Variants in WWOX observed in about 807,000 individuals in gnomAD.
WWOX encodes WW domain containing oxidoreductase, also known as WW domain-containing oxidoreductase.
Under a neutral mutation model 46.2 loss-of-function variants are expected in WWOX, and 69 were observed. The observed-to-expected ratio is 1.49, with a 90% confidence interval of 1.23 to 1.82. WWOX has a LOEUF of 1.82. WWOX is among the 40% of genes most tolerant of loss of function. WWOX has a pLI of 0.00. For missense variants in WWOX, 919 were observed against 542.6 expected (o/e 1.69, Z -6.89); for synonymous variants, 359 against 202.6 (o/e 1.77, Z -6.56).
At chr16:79,077,129 C>T (rs1008525854) in intron 8 of WWOX, among the ~76,000 whole-genome samples, 3 of 152,184 alleles carry the variant, frequency 2.0e-5, no homozygotes, top group Non-Finnish European at 4.4e-5. Flanking sequence ...CTCTCCAACC[C>T]CTAAGCCCGT....
chr16:78,427,940 C>T (rs144939674), intron 7 of WWOX, among the ~76,000 whole-genome samples: 53 of 152,002 alleles, frequency 3.5e-4, no homozygotes, highest in Middle Eastern at 3.4e-3. Context: ...TGGTGGTGCA[C>T]GCCTGTAATC....
chr16:79,111,967 T>C (rs1414984775), intron 8 of WWOX, among the ~76,000 whole-genome samples: 10 of 152,118 alleles, frequency 6.6e-5, no homozygotes, highest in African/African-American at 2.4e-4. Context: ...AGTTGTCTCA[T>C]AGGACCCTGT....
chr16:79,183,053 A>G (rs1166947369), intron 8 of WWOX, among the ~76,000 whole-genome samples: 1 of 152,138 alleles, frequency 6.6e-6, no homozygotes, highest in South Asian at 2.1e-4. Context: ...GCCGTCTTCC[A>G]TGTTGGGGTG....
chr16:79,055,972 T>C (rs1121404), intron 8 of WWOX, among the ~76,000 whole-genome samples: 81,609 of 152,050 alleles, frequency 0.54, 22,244 homozygotes, highest in Admixed American at 0.58. Context: ...TCAGTAATTC[T>C]TTCATTCTCT....
chr16:78,945,292 C>T (rs753378284), intron 8 of WWOX, among the ~76,000 whole-genome samples: 6 of 152,274 alleles, frequency 3.9e-5, no homozygotes, highest in South Asian at 2.1e-4. Context: ...ATATCAAGCA[C>T]GATTTGAGTT....
intron 4 of WWOX, among the ~76,000 whole-genome samples, chr16:78,145,522 C>A (rs938096726): frequency 1.3e-5 from 2 of 152,168 alleles, no homozygotes; most frequent in Non-Finnish European, 2.9e-5. Context: ...TCTTCTCCTG[C>A]CTGCTTTTCT....
chr16:78,152,551 C>G (rs943239265), intron 4 of WWOX, among the ~76,000 whole-genome samples: 1 of 152,196 alleles, frequency 6.6e-6, no homozygotes, highest in African/African-American at 2.4e-5. Flanking sequence ...CACATCTTTA[C>G]CGACAGGACT....
chr16:78,989,821 CGTGTGTGTGTGTGTGTGT>C (rs71384389), intron 8 of WWOX, among the ~76,000 whole-genome samples: 4 of 136,402 alleles, frequency 2.9e-5, no homozygotes, highest in Non-Finnish European at 6.3e-5. Flanking sequence ...GGTGTGTGAG[CGTGTGTGTGTGTGTGTGT>C]GTGTGTGTGT....
intron 8 of WWOX, among the ~76,000 whole-genome samples, chr16:78,768,391 A>T (rs964245151): frequency 4.6e-5 from 7 of 150,868 alleles, no homozygotes; most frequent in African/African-American, 1.7e-4. Flanking sequence ...GGAGTTTGAG[A>T]CCACACTGGC....
intron 8 of WWOX, among the ~76,000 whole-genome samples, chr16:78,878,614 T>C (rs556038600): frequency 1.3e-3 from 191 of 151,466 alleles, no homozygotes; most frequent in African/African-American, 4.4e-3. Flanking sequence ...AGATAATATG[T>C]ATGAAGAACC....
At chr16:78,735,423 ACAC>A (rs1567524850) in intron 8 of WWOX, among the ~76,000 whole-genome samples, 4 of 151,596 alleles carry the variant, frequency 2.6e-5, no homozygotes, top group African/African-American at 9.7e-5. Context: ...ACACACACAC[ACAC>A]TAATATGGTT....
At chr16:78,817,369 C>A (rs1189519720) in intron 8 of WWOX, among the ~76,000 whole-genome samples, 2 of 152,068 alleles carry the variant, frequency 1.3e-5, no homozygotes, top group South Asian at 4.2e-4. Flanking sequence ...TCTCCTATTC[C>A]TAGTGCAGGC....
At chr16:79,206,625 G>A (rs1049930774) in intron 8 of WWOX, 1 of 152,202 alleles carries the variant, frequency 6.6e-6, no homozygotes, top group Non-Finnish European at 1.5e-5. Flanking sequence ...GAAAAAGCCG[G>A]GCAGTTTGCA....
intron 8 of WWOX, among the ~76,000 whole-genome samples, chr16:79,188,195 C>T (rs1213192942): frequency 6.6e-6 from 1 of 152,164 alleles, no homozygotes; most frequent in Non-Finnish European, 1.5e-5. Flanking sequence ...GGAGAAGGGA[C>T]AAGGTGGGAG....
At chr16:78,464,000 C>T (rs181853873) in intron 8 of WWOX, among the ~76,000 whole-genome samples, 4 of 152,174 alleles carry the variant, frequency 2.6e-5, no homozygotes, top group South Asian at 2.1e-4. Flanking sequence ...GTTGATCTGG[C>T]GGTCAGAACC....
chr16:79,054,976 A>T (rs569312710), intron 8 of WWOX, among the ~76,000 whole-genome samples: 1 of 152,234 alleles, frequency 6.6e-6, no homozygotes, highest in African/African-American at 2.4e-5. Flanking sequence ...TGTGTGTGCA[A>T]TGGTTTTCCA....
intron 7 of WWOX, among the ~76,000 whole-genome samples, chr16:78,429,983 G>C (rs1043991449): frequency 3.3e-5 from 5 of 152,124 alleles, no homozygotes; most frequent in African/African-American, 1.2e-4. Flanking sequence ...AACCTTGAGT[G>C]AAGCCTGACT....
At chr16:78,952,047 A>G (rs2046070950) in intron 8 of WWOX, among the ~76,000 whole-genome samples, 1 of 152,132 alleles carries the variant, frequency 6.6e-6, no homozygotes, top group African/African-American at 2.4e-5. Context: ...CTGTAGGGTA[A>G]AGACAGACCC....
intron 8 of WWOX, among the ~76,000 whole-genome samples, chr16:78,790,911 C>T (rs2050580592): frequency 6.8e-6 from 1 of 146,244 alleles, no homozygotes. Flanking sequence ...CCCAGCTACT[C>T]AGGAGGCTGA....
Sources: gnomAD v4.1 joint callset for allele counts (sites outside exome capture counted in the v4.1 genomes callset) on GRCh38, gnomAD v4.1.1 for gene constraint, MANE v1.5 for transcripts, NCBI Gene and HGNC (gene_info 2026-07-23, HGNC 2026-07-21) for gene names.